The following KLF8 variants were observed in gnomAD, a reference collection of about 807,000 sequenced individuals.
KLF8 encodes Krueppel-like factor 8.
KLF8 carries 10 observed loss-of-function variants against 18.2 expected under a neutral mutation model. The observed-to-expected ratio is 0.55, with a 90% CI of 0.34 to 0.93. The LOEUF is 0.93. KLF8 is among the 40% of genes least tolerant of loss of function. KLF8 has a pLI of 0.02. For synonymous variants in KLF8, 109 were observed against 97.3 expected (o/e 1.12, Z -0.71); for missense variants, 264 against 277.9 (o/e 0.95, Z 0.36).
the KLF8 span, among the ~76,000 whole-genome samples, chrX:56,185,184 C>A: frequency 6.3e-5 from 7 of 111,858 alleles, no homozygotes; most frequent in Non-Finnish European, 9.4e-5. Flanking sequence ...GTTAAAGCAG[C>A]GGATGGAGCT....
At chrX:56,196,667 T>C in the KLF8 span, among the ~76,000 whole-genome samples, 1 of 111,559 alleles carries the variant, frequency 9.0e-6, no homozygotes, top group Non-Finnish European at 1.9e-5. Context: ...AACACTCCAC[T>C]GTCAATATTG....
At chrX:55,944,638 C>T in the KLF8 span, among the ~76,000 whole-genome samples, 4 of 111,502 alleles carry the variant, frequency 3.6e-5, no homozygotes, top group African/African-American at 6.5e-5. Context: ...TATATATTCC[C>T]TGATGGTAGT....
the KLF8 span, among the ~76,000 whole-genome samples, chrX:55,987,183 T>TG: frequency 9.2e-6 from 1 of 109,023 alleles, no homozygotes; most frequent in Non-Finnish European, 1.9e-5. Flanking sequence ...TGAAGTTTCT[T>TG]TTTTTTTTTC....
At chrX:55,988,125 C>T in the KLF8 span, among the ~76,000 whole-genome samples, 4 of 111,716 alleles carry the variant, frequency 3.6e-5, no homozygotes, top group East Asian at 5.6e-4. Flanking sequence ...GAGTAGTTTG[C>T]AAAAATTTTC....
At chrX:56,284,276 C>T in intron 5 of KLF8, 37 bp from the exon 6 acceptor site, 1 of 1,009,033 alleles carries the variant, frequency 9.9e-7, no homozygotes. Context: ...ATCATCCTCT[C>T]TCTGATTCTC....
chrX:56,175,496 T>A, the KLF8 span, among the ~76,000 whole-genome samples: 18 of 111,865 alleles, frequency 1.6e-4, no homozygotes, highest in Non-Finnish European at 3.0e-4. Flanking sequence ...TTACATTTGC[T>A]GAGGAGTGCT....
chrX:56,102,926 G>A, the KLF8 span, among the ~76,000 whole-genome samples: 12 of 76,556 alleles, frequency 1.6e-4, no homozygotes, highest in South Asian at 2.2e-3. Flanking sequence ...AACAGTCCCC[G>A]GGGTGTGATG....
chrX:56,051,166 G>T, the KLF8 span, among the ~76,000 whole-genome samples: 1 of 111,377 alleles, frequency 9.0e-6, no homozygotes, highest in Non-Finnish European at 1.9e-5. Context: ...GTGTGTCTCT[G>T]TACGTGAGAT....
chrX:56,216,885 A>C, the KLF8 span, among the ~76,000 whole-genome samples: 3 of 111,018 alleles, frequency 2.7e-5, no homozygotes, highest in African/African-American at 9.8e-5. Flanking sequence ...GCTTTTACTC[A>C]TCCTCAGGTA....
chrX:56,097,182 C>T, the KLF8 span, among the ~76,000 whole-genome samples: 1 of 111,115 alleles, frequency 9.0e-6, no homozygotes, highest in Admixed American at 9.6e-5. Flanking sequence ...TTCATCACAT[C>T]TGCAAGCTAA....
chrX:56,158,003 T>C, the KLF8 span, among the ~76,000 whole-genome samples: 2 of 112,154 alleles, frequency 1.8e-5, no homozygotes, highest in South Asian at 7.4e-4. Flanking sequence ...GGTTTCCTTC[T>C]AGGGTTTTTA....
chrX:56,272,669 G>A (rs187242278), intron 5 of KLF8, among the ~76,000 whole-genome samples: 1 of 111,081 alleles, frequency 9.0e-6, no homozygotes, highest in Admixed American at 9.7e-5. Flanking sequence ...AGGCTTAGTT[G>A]CTTTAGGAAA....
chrX:55,919,201 G>A, the KLF8 span, among the ~76,000 whole-genome samples: 6 of 112,048 alleles, frequency 5.4e-5, no homozygotes, highest in African/African-American at 1.9e-4. Flanking sequence ...TAGAAAAAAA[G>A]TTAGCTGCTC....
the KLF8 span, among the ~76,000 whole-genome samples, chrX:56,070,878 C>T: frequency 7.1e-5 from 8 of 112,583 alleles, 1 homozygote; most frequent in Admixed American, 6.6e-4. Context: ...CACATGTAAG[C>T]CTGATGCTCA....
the KLF8 span, among the ~76,000 whole-genome samples, chrX:55,952,409 C>G: frequency 8.9e-6 from 1 of 112,302 alleles, no homozygotes; most frequent in African/African-American, 3.2e-5. Flanking sequence ...GTCAGAACGC[C>G]TAAAATCAAA....
the KLF8 span, among the ~76,000 whole-genome samples, chrX:56,007,559 G>A: frequency 1.8e-5 from 2 of 110,681 alleles, no homozygotes; most frequent in Non-Finnish European, 3.8e-5. Flanking sequence ...ACTACTTTGC[G>A]TCCCTCTCCT....
chrX:56,243,241 A>G, intron 1 of KLF8: 1 of 447,757 alleles, frequency 2.2e-6, no homozygotes, highest in Non-Finnish European at 4.1e-6. Flanking sequence ...TGGGCTGCCT[A>G]CAGAGTCGCA....
At chrX:56,180,613 AC>A in the KLF8 span, among the ~76,000 whole-genome samples, 1 of 105,445 alleles carries the variant, frequency 9.5e-6, no homozygotes, top group East Asian at 3.0e-4. Flanking sequence ...CTATAAATTT[AC>A]CTCTGTGCAC....
At chrX:56,172,655 G>C in the KLF8 span, among the ~76,000 whole-genome samples, 2 of 111,813 alleles carry the variant, frequency 1.8e-5, no homozygotes, top group African/African-American at 6.5e-5. Context: ...AGAATTTCTA[G>C]TTCTAGATCC....
Sources: allele counts gnomAD v4.1 joint callset (sites outside exome capture counted in the v4.1 genomes callset), GRCh38; gene constraint gnomAD v4.1.1; transcripts MANE v1.5; gene names NCBI Gene and HGNC (gene_info 2026-07-23, HGNC 2026-07-21).